Variants in ZNF532 observed in about 807,000 individuals in gnomAD.
ZNF532 encodes zinc finger protein 532.
In ZNF532, 22 loss-of-function variants were observed where a neutral mutation model predicts 89.3. The observed-to-expected ratio is 0.25, with a 90% confidence interval of 0.18 to 0.35. ZNF532 has a LOEUF of 0.35. Among genes scored for constraint, ZNF532 ranks in the 10% least tolerant of loss-of-function variants. The pLI is 1.00. For synonymous variants in ZNF532, 606 were observed against 649.6 expected (o/e 0.93, Z 1.02); for missense variants, 1,132 against 1,643.4 (o/e 0.69, Z 5.38).
intron 2 of ZNF532, among the ~76,000 whole-genome samples, chr18:58,911,152 C>T (rs2060258677): frequency 1.3e-5 from 2 of 152,226 alleles, no homozygotes; most frequent in Admixed American, 1.3e-4. Flanking sequence ...GCCATGAAGG[C>T]TGCGTGGCAA....
intron 5 of ZNF532, among the ~76,000 whole-genome samples, chr18:58,943,898 A>G (rs1156438373): frequency 6.6e-6 from 1 of 152,250 alleles, no homozygotes; most frequent in Non-Finnish European, 1.5e-5. Context: ...GAACTTCAAA[A>G]TAAGAATTGT....
intron 2 of ZNF532, among the ~76,000 whole-genome samples, chr18:58,899,474 A>ATT (rs2059460453): frequency 6.6e-6 from 1 of 151,488 alleles, no homozygotes; most frequent in South Asian, 2.1e-4. Context: ...TTATTTATTT[A>ATT]TTTATTTTTT....
chr18:58,866,661 C>G (rs2056490373), intron 2 of ZNF532, among the ~76,000 whole-genome samples: 2 of 152,148 alleles, frequency 1.3e-5, no homozygotes, highest in Admixed American at 1.3e-4. Flanking sequence ...TTCAGCAGTG[C>G]CGAGGATCTT....
chr18:58,960,489 C>T (rs1158476795), intron 7 of ZNF532, among the ~76,000 whole-genome samples: 1 of 152,196 alleles, frequency 6.6e-6, no homozygotes, highest in Non-Finnish European at 1.5e-5. Flanking sequence ...GTCTATCTGA[C>T]CTTACTTGAG....
chr18:58,981,220 A>G, intron 8 of ZNF532: 1 of 473,930 alleles, frequency 2.1e-6, no homozygotes, highest in Non-Finnish European at 3.8e-6. Flanking sequence ...ATTCTGAGAG[A>G]ATACTGAGTC....
intron 6 of ZNF532, among the ~76,000 whole-genome samples, chr18:58,948,757 A>G (rs2063890923): frequency 6.6e-6 from 1 of 151,838 alleles, no homozygotes; most frequent in African/African-American, 2.4e-5. Context: ...TAGTTTCACC[A>G]TGTTGGCCAG....
intron 6 of ZNF532, among the ~76,000 whole-genome samples, chr18:58,951,273 T>A (rs2064132488): frequency 6.6e-6 from 1 of 152,196 alleles, no homozygotes; most frequent in Non-Finnish European, 1.5e-5. Flanking sequence ...TTAGTAGTCT[T>A]AATTTTACTT....
rs1279991356 is a variant in ZNF532, at chr18:58,917,750, C to T, written c.-17-521C>T. Among the ~76,000 whole-genome samples, 3 of 151,874 alleles carry T rather than the reference C, an allele frequency of 2.0e-5. 1 individual carries two copies. Among genetic ancestry groups the T allele is most frequent in the Middle Eastern group, 6.8e-3 (2 of 292 alleles). On this transcript the variant is annotated intron_variant, in intron 2 of 9. Coordinates refer to ENST00000591808, the MANE Select transcript of ZNF532 (RefSeq NM_001375912.1). ...CAAATGGAATTTATTAGCAGATATC[C>T]TGCAGTAGCTGTGGATGCTGATTTC...
chr18:58,879,041 A>T (rs1057472229), intron 2 of ZNF532, among the ~76,000 whole-genome samples: 1 of 152,174 alleles, frequency 6.6e-6, no homozygotes, highest in Non-Finnish European at 1.5e-5. Flanking sequence ...CAAAAATCTC[A>T]CTGGGCCTGG....
chr18:58,974,430 T>C (rs1465398856), intron 7 of ZNF532, among the ~76,000 whole-genome samples: 1 of 152,190 alleles, frequency 6.6e-6, no homozygotes, highest in Non-Finnish European at 1.5e-5. Context: ...TGCATGCATG[T>C]ATTTAGCCAG....
At chr18:58,973,042 G>C (rs1220082158) in intron 7 of ZNF532, among the ~76,000 whole-genome samples, 1 of 152,170 alleles carries the variant, frequency 6.6e-6, no homozygotes, top group African/African-American at 2.4e-5. Context: ...TTGATTGTAC[G>C]CTTTTTCTTT....
At chr18:58,972,614 G>A (rs540334099) in intron 7 of ZNF532, among the ~76,000 whole-genome samples, 1 of 150,486 alleles carries the variant, frequency 6.6e-6, no homozygotes, top group South Asian at 2.2e-4. Flanking sequence ...ACCTGTCCCC[G>A]GATGACGCCT....
At chr18:58,951,753 C>T (rs1298554220) in intron 6 of ZNF532, among the ~76,000 whole-genome samples, 2 of 150,312 alleles carry the variant, frequency 1.3e-5, no homozygotes, top group Non-Finnish European at 3.0e-5. Flanking sequence ...GGGTTCATGC[C>T]ATTCTCCTGC....
intron 3 of ZNF532, 52 bp downstream of exon 3, chr18:58,920,685 GTGCTTGATAAGA>G: frequency 6.7e-7 from 1 of 1,487,896 alleles, no homozygotes; most frequent in South Asian, 1.3e-5. Context: ...GTAGGCATGA[GTGCTTGATAAGA>G]TGCCCTTGAT....
chr18:58,888,895 A>G (rs1466922205), intron 2 of ZNF532, among the ~76,000 whole-genome samples: 1 of 64,720 alleles, frequency 1.5e-5, no homozygotes, highest in African/African-American at 6.9e-5. Flanking sequence ...TATATTTTAT[A>G]TATATATATA....
At chr18:58,962,015 C>G (rs1043923556) in intron 7 of ZNF532, among the ~76,000 whole-genome samples, 1 of 152,050 alleles carries the variant, frequency 6.6e-6, no homozygotes, top group African/African-American at 2.4e-5. Context: ...CATTTGAGGT[C>G]AGGAGTTTGA....
chr18:58,874,491 C>T (rs1187662866), intron 2 of ZNF532, among the ~76,000 whole-genome samples: 1 of 152,032 alleles, frequency 6.6e-6, no homozygotes, highest in Non-Finnish European at 1.5e-5. Context: ...GTTACAGGCG[C>T]CCACCACCAT....
At chr18:58,964,540 TG>T (rs1358179310) in intron 7 of ZNF532, among the ~76,000 whole-genome samples, 2 of 81,338 alleles carry the variant, frequency 2.5e-5, no homozygotes, top group Non-Finnish European at 4.1e-5. Context: ...TTTGTTTGTG[TG>T]TGTGTGTGTG....
Position 58,928,321 on chromosome 18 carries a change from T to G in ZNF532, c.2347-6112T>G, listed in dbSNP as rs185749832. ...GCATTTGGTGCATTCTCTCTGCCAG[T>G]TGCTGCTGCCCCTCCAAGTGTTCTG... On this transcript the variant is annotated intron_variant, in intron 3 of 9. Coordinates refer to ENST00000591808, the MANE Select transcript of ZNF532 (RefSeq NM_001375912.1). 4.3e-3 allele frequency among the ~76,000 whole-genome samples: 649 copies of G among 152,322 alleles called. 4 individuals carry two copies. The highest frequency in any genetic ancestry group is 7.4e-3 in the Non-Finnish European group (504 of 68,020).
Sources: allele counts gnomAD v4.1 joint callset (sites outside exome capture counted in the v4.1 genomes callset), GRCh38; gene constraint gnomAD v4.1.1; transcripts MANE v1.5; gene names NCBI Gene and HGNC (gene_info 2026-07-23, HGNC 2026-07-21).